The following ATP2C1 variants were observed in gnomAD, a reference collection of about 807,000 sequenced individuals.
ATP2C1 encodes the protein ATPase secretory pathway Ca2+ transporting 1, also known as calcium-transporting ATPase type 2C member 1.
ATP2C1 carries 31 observed loss-of-function variants against 120.5 expected under a neutral mutation model. That is an observed-to-expected ratio of 0.26 (90% CI 0.19 to 0.35). ATP2C1 has a LOEUF of 0.35. Ranked by LOEUF, ATP2C1 falls within the 10% of genes least tolerant of loss-of-function variation. ATP2C1 has a pLI of 1.00. For missense variants in ATP2C1, 731 were observed against 1,107.5 expected, an observed-to-expected ratio of 0.66 and a Z score of 4.83; for synonymous variants, 351 against 358.7, an observed-to-expected ratio of 0.98 and a Z score of 0.24.
chr3:130,952,712 A>G (rs1039718759), intron 8 of ATP2C1, among the ~76,000 whole-genome samples: 5 of 152,230 alleles, frequency 3.3e-5, no homozygotes, highest in Non-Finnish European at 7.3e-5. Context: ...TAAAATCAGT[A>G]AAGTCATGAA....
intron 27 of ATP2C1, among the ~76,000 whole-genome samples, chr3:131,000,993 C>A (rs2062856605): frequency 6.7e-6 from 1 of 149,524 alleles, no homozygotes; most frequent in African/African-American, 2.5e-5. Flanking sequence ...ATCCCAGCCA[C>A]TTGGGAGGCT....
chr3:130,997,712 A>G lies in ATP2C1; in HGVS notation c.2350A>G (p.Ile784Val), dbSNP rs766262948. The G allele has an allele frequency of 1.1e-5, 18 of 1,613,668 alleles. No individual in the cohort carries two copies. The highest frequency in any genetic ancestry group is 2.2e-5 in the East Asian group (1 of 44,856). ...NLILKILVSSIIIVCGTLFVF... is the reference protein window; with the variant it reads ...NLILKILVSSVIIVCGTLFVF... ...GATACTTAAAATACTTGTTTCATCA[A>G]TAATCATTGTTTGTGGGACTTTGTT... is the stretch of plus-strand genomic sequence containing the variant. The change falls in exon 25 of 28, where the codon ATA becomes GTA. Residue 784 changes from isoleucine to valine, a missense_variant. Ile to Val is a conservative substitution (Grantham distance 29, BLOSUM62 3). Coordinates refer to ENST00000510168, the MANE Select transcript of ATP2C1 (RefSeq NM_001378687.1).
chr3:130,998,220 T>C, intron 25 of ATP2C1, 74 bp from the exon 26 acceptor site: 1 of 1,013,028 alleles, frequency 9.9e-7, no homozygotes, highest in Non-Finnish European at 1.6e-6. Flanking sequence ...AAAATGTTTA[T>C]ATTTTTTAAA....
intron 20 of ATP2C1, among the ~76,000 whole-genome samples, chr3:130,989,877 G>A (rs948232036): frequency 6.6e-6 from 1 of 152,146 alleles, no homozygotes; most frequent in African/African-American, 2.4e-5. Context: ...CACTTGGAAG[G>A]TTACCAGTAT....
At chr3:130,975,560 C>A in intron 18 of ATP2C1, 72 bp downstream of exon 18, 2 of 1,509,484 alleles carry the variant, frequency 1.3e-6, no homozygotes, top group Non-Finnish European at 1.8e-6. Context: ...TGAATTCATG[C>A]TTCACATTTG....
chr3:130,940,905 ATTTTT>A (rs749879416), intron 7 of ATP2C1, among the ~76,000 whole-genome samples: 6 of 86,114 alleles, frequency 7.0e-5, no homozygotes, highest in African/African-American at 1.4e-4. Flanking sequence ...TATTTAACAG[ATTTTT>A]TTTTTTTTTT....
chr3:130,938,020 G>A (rs2059742838), intron 6 of ATP2C1, among the ~76,000 whole-genome samples: 2 of 152,128 alleles, frequency 1.3e-5, no homozygotes, highest in Admixed American at 1.3e-4. Flanking sequence ...AATTAAAATG[G>A]TTCTACTCAT....
At chr3:130,936,855 A>G (rs1425659201) in intron 5 of ATP2C1, among the ~76,000 whole-genome samples, 3 of 151,192 alleles carry the variant, frequency 2.0e-5, no homozygotes, top group Non-Finnish European at 4.4e-5. Flanking sequence ...TAAAAAAAAT[A>G]AAAAAGAAAA....
In ATP2C1 at chr3:130,942,628, C is replaced by CT. The variant is rs1340310039; in HGVS notation, c.531+935dup. 2.0e-5 allele frequency among the ~76,000 whole-genome samples: 3 copies of CT among 152,240 alleles called. No homozygotes were observed. The East Asian group carries it at 5.8e-4, about 29-fold the overall frequency. On this transcript the variant is annotated intron_variant, in intron 8 of 27. Transcript: ENST00000510168. ...CTTGGCTTAATCTTTCAGCAGAGGCCTTTTTTCCAAATATTTGAAATTTAT... is the reference window on the plus strand; with the variant it reads ...CTTGGCTTAATCTTTCAGCAGAGGCCTTTTTTTCCAAATATTTGAAATTTAT...
intron 8 of ATP2C1, among the ~76,000 whole-genome samples, chr3:130,946,345 C>T (rs1159119587): frequency 6.6e-6 from 1 of 152,200 alleles, no homozygotes; most frequent in African/African-American, 2.4e-5. Flanking sequence ...TATAGTATAG[C>T]AGTTTGGCTC....
chr3:130,908,521 CT>C (rs1022252845), intron 2 of ATP2C1, among the ~76,000 whole-genome samples: 1 of 151,442 alleles, frequency 6.6e-6, no homozygotes, highest in African/African-American at 2.4e-5. Context: ...TAGAAAATGG[CT>C]GGCAGTATAC....
At chr3:130,876,921 A>G (rs188791317) in intron 1 of ATP2C1, among the ~76,000 whole-genome samples, 27 of 152,264 alleles carry the variant, frequency 1.8e-4, no homozygotes, top group Non-Finnish European at 2.4e-4. Flanking sequence ...TGTTATTGGC[A>G]TACAGAAATG....
chr3:130,997,626 A>T lies in ATP2C1; in HGVS notation c.2264A>T (p.Asp755Val). The T allele has an allele frequency of 1.2e-6, 2 of 1,613,596 alleles. No individual in the cohort carries two copies. The highest frequency in any genetic ancestry group is 1.7e-6 in the Non-Finnish European group (2 of 1,179,736). Residue 755 changes from aspartate to valine, a missense_variant, in exon 25 of 28, where the codon GAT becomes GTT. Physicochemically the swap from Asp to Val is radical, Grantham distance 152. Coordinates refer to ENST00000510168, the MANE Select transcript of ATP2C1 (RefSeq NM_001378687.1). ...TTAAGCCTTGGAGTAGAACCAGTGGATAAAGATGTCATTCGTAAACCTCCT... is the reference window on the plus strand; with the variant it reads ...TTAAGCCTTGGAGTAGAACCAGTGGTTAAAGATGTCATTCGTAAACCTCCT... Reference protein sequence around the residue: ...PAQSLGVEPVDKDVIRKPPRN... With the variant: ...PAQSLGVEPVVKDVIRKPPRN...
intron 21 of ATP2C1, 60 bp downstream of exon 21, chr3:130,993,061 T>C: frequency 1.4e-6 from 2 of 1,439,244 alleles, no homozygotes; most frequent in East Asian, 4.6e-5. Context: ...TACTTTACTT[T>C]TGTTATGTTT....
chr3:130,914,615 C>T (rs916767391), intron 2 of ATP2C1, among the ~76,000 whole-genome samples: 1 of 152,136 alleles, frequency 6.6e-6, no homozygotes, highest in African/African-American at 2.4e-5. Context: ...GGCTTGAACT[C>T]TTGATCTTCT....
chr3:131,006,464 A>G (rs533147270), downstream of ATP2C1, among the ~76,000 whole-genome samples: 1 of 152,052 alleles, frequency 6.6e-6, no homozygotes, highest in African/African-American at 2.4e-5. Context: ...CTAGCCTCAT[A>G]TCCTACACAA....
At chr3:130,917,435 T>C (rs1250221701) in intron 2 of ATP2C1, among the ~76,000 whole-genome samples, 2 of 152,210 alleles carry the variant, frequency 1.3e-5, no homozygotes, top group Admixed American at 6.5e-5. Flanking sequence ...AGTAAGACTT[T>C]AGATTTTGTT....
chr3:130,959,104 A>C (rs2060705011), intron 11 of ATP2C1, among the ~76,000 whole-genome samples, 171 bp from the exon 12 acceptor site: 1 of 152,170 alleles, frequency 6.6e-6, no homozygotes, highest in African/African-American at 2.4e-5. Flanking sequence ...CACATTAAGC[A>C]GTGTTAACTT....
intron 2 of ATP2C1, among the ~76,000 whole-genome samples, chr3:130,896,298 G>A (rs191565727): frequency 1.2e-4 from 19 of 152,244 alleles, no homozygotes; most frequent in Admixed American, 9.2e-4. Context: ...GGTGGGAGGG[G>A]GTGGTTGTGA....
Sources: gnomAD v4.1 joint callset for allele counts (sites outside exome capture counted in the v4.1 genomes callset) on GRCh38, gnomAD v4.1.1 for gene constraint, MANE v1.5 for transcripts, NCBI Gene and HGNC (gene_info 2026-07-23, HGNC 2026-07-21) for gene names.